The following PAMR1 variants were observed in gnomAD, a reference collection of about 807,000 sequenced individuals.
The protein encoded by PAMR1 is inactive serine protease PAMR1.
In PAMR1, 88 loss-of-function variants were observed where a neutral mutation model predicts 81.8. The ratio of observed to expected loss-of-function variants is 1.08; its 90% CI spans 0.91 to 1.28. The LOEUF (loss-of-function observed/expected upper bound fraction) is 1.28, where lower values mean the gene tolerates loss of function less well. Ranked by LOEUF, PAMR1 falls within the 50% of genes most tolerant of loss-of-function variation. PAMR1 has a pLI of 0.00. For synonymous variants in PAMR1, 336 were observed against 345.3 expected, an observed-to-expected ratio of 0.97 and a Z score of 0.30; for missense variants, 935 against 919.7, an observed-to-expected ratio of 1.02 and a Z score of -0.21.
intron 4 of PAMR1, among the ~76,000 whole-genome samples, chr11:35,471,754 A>G (rs1850191551): frequency 6.6e-6 from 1 of 152,194 alleles, no homozygotes; most frequent in Admixed American, 6.5e-5. Context: ...CCAAGAGACA[A>G]GAAAAGCAGC....
rs573212144 is a variant in PAMR1 at position 35,491,035 on chromosome 11, G to T, written c.379+1010C>A. 2.6e-5 allele frequency among the ~76,000 whole-genome samples: 4 copies of T among 152,282 alleles called. No individual in the cohort carries two copies. In the East Asian group the frequency reaches 5.8e-4, roughly 22 times the overall value. On this transcript the variant is annotated intron_variant, in intron 3 of 10. Transcript: ENST00000619888. ...AGCTAACCTACCTGGAACATAATCTGCCAGGTACTGAATTAAATTTACGAG... is the reference window on the plus strand; with the variant it reads ...AGCTAACCTACCTGGAACATAATCTTCCAGGTACTGAATTAAATTTACGAG...
chr11:35,498,690 G>A (rs535679058), intron 1 of PAMR1, among the ~76,000 whole-genome samples: 7 of 152,102 alleles, frequency 4.6e-5, no homozygotes, highest in South Asian at 2.1e-4. Flanking sequence ...ACCCGACTCC[G>A]TCCACCTTTT....
intron 2 of PAMR1, 104 bp from the exon 3 acceptor site, chr11:35,492,277 A>G: frequency 7.9e-7 from 1 of 1,272,414 alleles, no homozygotes; most frequent in Non-Finnish European, 1.1e-6. Context: ...GTCTCAACTA[A>G]GAGCATCTGG....
Position 35,492,065 on chromosome 11 carries a change from C to CTGGT in PAMR1, c.358_359insACCA (p.Trp120TyrfsTer33). The stretch of plus-strand genomic sequence containing the variant: ...CTTACGCATGCAGTCTCCTCCGTAC[C>CTGGT]AGCCTGCTCGGCACTCTGCACAGTA... On this transcript the variant is annotated frameshift_variant, in exon 3 of 11. Transcript: ENST00000619888. LOFTEE classifies it high-confidence loss of function. 6.2e-7 allele frequency: 1 copy of CTGGT among 1,613,722 alleles called. No individual in the cohort carries two copies. The highest frequency in any genetic ancestry group is 8.5e-7 in the Non-Finnish European group (1 of 1,179,768).
At chr11:35,441,350 G>T in intron 7 of PAMR1, 131 bp downstream of exon 7, 1 of 699,948 alleles carries the variant, frequency 1.4e-6, no homozygotes, top group South Asian at 1.8e-5. Context: ...CAACCTCAGA[G>T]ATATATGGTT....
intron 1 of PAMR1, among the ~76,000 whole-genome samples, chr11:35,513,691 T>G (rs557578052): frequency 1.3e-5 from 2 of 152,364 alleles, no homozygotes; most frequent in African/African-American, 4.8e-5. Context: ...GGACTCAGTC[T>G]GTGTGCATCA....
chr11:35,467,390 T>C (rs1856776542), intron 6 of PAMR1, among the ~76,000 whole-genome samples: 1 of 152,220 alleles, frequency 6.6e-6, no homozygotes, highest in Non-Finnish European at 1.5e-5. Flanking sequence ...ATTCTTGTCC[T>C]TATGCACATC....
At chr11:35,502,524 C>G (rs1337927866) in intron 1 of PAMR1, among the ~76,000 whole-genome samples, 1 of 133,442 alleles carries the variant, frequency 7.5e-6, no homozygotes, top group Non-Finnish European at 1.6e-5. Context: ...GGTTTTCTGT[C>G]CCTGTGTTAG....
chr11:35,523,116 A>C lies in PAMR1; in HGVS notation c.73+2397T>G, dbSNP rs572763494. Among the ~76,000 whole-genome samples the C allele has an allele frequency of 3.8e-4, 58 of 152,324 alleles. 1 individual carries two copies. In the South Asian group the frequency reaches 0.011, roughly 28 times the overall value. On this transcript the variant is annotated intron_variant, in intron 1 of 10. Transcript: ENST00000619888. ...TCCCCGCAAAAATCCACCCGTGCCAAGAAGGCCCAATTTTCCTAGCTTTCT... is the reference window on the plus strand; with the variant it reads ...TCCCCGCAAAAATCCACCCGTGCCACGAAGGCCCAATTTTCCTAGCTTTCT...
chr11:35,504,821 T>G (rs554240016), intron 1 of PAMR1, among the ~76,000 whole-genome samples: 1 of 152,008 alleles, frequency 6.6e-6, no homozygotes, highest in Admixed American at 6.5e-5. Context: ...ACCAACTTTT[T>G]GTTTCATTGC....
intron 1 of PAMR1, among the ~76,000 whole-genome samples, chr11:35,499,184 C>T (rs1850783148): frequency 6.6e-6 from 1 of 152,140 alleles, no homozygotes; most frequent in Non-Finnish European, 1.5e-5. Flanking sequence ...GCCAGCTTTG[C>T]CTCTAACTTG....
chr11:35,468,478 T>A (rs1856795757), intron 5 of PAMR1, among the ~76,000 whole-genome samples: 1 of 152,162 alleles, frequency 6.6e-6, no homozygotes, highest in Non-Finnish European at 1.5e-5. Flanking sequence ...CCATCTTTTT[T>A]CAAATAAAAG....
At chr11:35,455,220 G>A (rs766618896) in intron 6 of PAMR1, among the ~76,000 whole-genome samples, 1 of 152,224 alleles carries the variant, frequency 6.6e-6, no homozygotes, top group Non-Finnish European at 1.5e-5. Context: ...ATATCAGGGA[G>A]TAACTATATC....
At chr11:35,520,576 T>A (rs1195637029) in intron 1 of PAMR1, among the ~76,000 whole-genome samples, 1 of 152,134 alleles carries the variant, frequency 6.6e-6, no homozygotes, top group South Asian at 2.1e-4. Context: ...TGCCCTGGAA[T>A]TTAGGAACTG....
At chr11:35,527,476 T>C (rs770777393), upstream of PAMR1, among the ~76,000 whole-genome samples, 1 of 152,128 alleles carries the variant, frequency 6.6e-6, no homozygotes, top group Non-Finnish European at 1.5e-5. Context: ...TCAACTTCCA[T>C]ATCGAGATGA....
intron 4 of PAMR1, 52 bp from the exon 5 acceptor site, chr11:35,470,870 G>A: frequency 7.7e-7 from 1 of 1,298,190 alleles, no homozygotes; most frequent in East Asian, 2.3e-5. Flanking sequence ...GGACAGTCCT[G>A]AGACCGCTGG....
chr11:35,487,066 C>G (rs562535762), intron 3 of PAMR1, among the ~76,000 whole-genome samples: 9 of 152,186 alleles, frequency 5.9e-5, no homozygotes, highest in African/African-American at 2.2e-4. Flanking sequence ...AAGAGCATCC[C>G]CTGATGGTTG....
intron 1 of PAMR1, among the ~76,000 whole-genome samples, chr11:35,522,562 C>T (rs183067599): frequency 8.5e-5 from 13 of 152,258 alleles, no homozygotes; most frequent in African/African-American, 2.9e-4. Context: ...AATATTCCGT[C>T]GTAGGTGTAT....
chr11:35,434,660 A>G lies in PAMR1; in HGVS notation c.1478T>C (p.Leu493Pro). 1 of 1,614,166 alleles carries G rather than the reference A, an allele frequency of 6.2e-7. No individual in the cohort carries two copies. The highest frequency in any genetic ancestry group is 8.5e-7 in the Non-Finnish European group (1 of 1,180,026). ...CACCACCACAGTGCGCTCATTCACC[A>G]GGGCACCGCTGCAGACTAGGAACCA... ...GAWFLVCSGA[L>P]VNERTVVVAA... The change falls in exon 10 of 11, where the codon CTG becomes CCG. Residue 493 changes from leucine to proline, a missense_variant. Coordinates refer to ENST00000619888, the MANE Select transcript of PAMR1 (RefSeq NM_001001991.3).
Sources: gnomAD v4.1 joint callset for allele counts (sites outside exome capture counted in the v4.1 genomes callset) on GRCh38, gnomAD v4.1.1 for gene constraint, MANE v1.5 for transcripts, NCBI Gene and HGNC (gene_info 2026-07-23, HGNC 2026-07-21) for gene names.